Variants in GLIS3 observed in about 807,000 individuals in gnomAD.
GLIS3 encodes zinc finger protein GLIS3.
In GLIS3, 53 loss-of-function variants were observed where a neutral mutation model predicts 78.6. The observed-to-expected ratio is 0.67, with a 90% CI of 0.54 to 0.85. GLIS3 has a LOEUF of 0.85. Ranked by LOEUF, GLIS3 falls within the 40% of genes least tolerant of loss-of-function variation. The probability of loss-of-function intolerance (pLI) is 0.00; values close to 1 mark genes in which losing one functional copy is unlikely to be tolerated. For missense variants in GLIS3, 1,703 were observed against 1,231.1 expected, an observed-to-expected ratio of 1.38 and a Z score of -5.74; for synonymous variants, 684 against 509.9, an observed-to-expected ratio of 1.34 and a Z score of -4.60.
At chr9:3,870,309 C>A (rs796105292) in intron 8 of GLIS3, among the ~76,000 whole-genome samples, 6 of 152,170 alleles carry the variant, frequency 3.9e-5, no homozygotes, top group African/African-American at 1.4e-4. Context: ...ACTTTGGAAA[C>A]CATACAAATA....
intron 4 of GLIS3, among the ~76,000 whole-genome samples, chr9:4,115,940 A>G (rs1473028980): frequency 6.6e-6 from 1 of 152,228 alleles, no homozygotes. Flanking sequence ...CATTCTGAAC[A>G]ATACAATGAG....
intron 2 of GLIS3, among the ~76,000 whole-genome samples, chr9:4,215,984 C>T (rs776949530): frequency 3.3e-5 from 5 of 152,140 alleles, no homozygotes; most frequent in Non-Finnish European, 7.3e-5. Flanking sequence ...CATTTTGATG[C>T]TGGACTCCAT....
At chr9:4,202,596 G>T (rs997452756) in intron 2 of GLIS3, among the ~76,000 whole-genome samples, 3 of 152,034 alleles carry the variant, frequency 2.0e-5, no homozygotes, top group Non-Finnish European at 4.4e-5. Flanking sequence ...AAACAAAATC[G>T]CATGGTGAAA....
At chr9:4,457,274 T>A in the GLIS3 span, among the ~76,000 whole-genome samples, 2 of 151,688 alleles carry the variant, frequency 1.3e-5, no homozygotes, top group Non-Finnish European at 2.9e-5. Flanking sequence ...GGTGGGAGGA[T>A]CATTTGAGCC....
intron 4 of GLIS3, among the ~76,000 whole-genome samples, chr9:4,017,765 T>C (rs1238899102): frequency 2.0e-5 from 3 of 152,182 alleles, no homozygotes; most frequent in Admixed American, 2.0e-4. Flanking sequence ...TAAAAATACA[T>C]GCTTCCAAAG....
chr9:4,452,116 T>A, the GLIS3 span, among the ~76,000 whole-genome samples: 1 of 152,090 alleles, frequency 6.6e-6, no homozygotes, highest in Non-Finnish European at 1.5e-5. Flanking sequence ...TTGATAAAAT[T>A]CAACACCCCT....
intron 2 of GLIS3, among the ~76,000 whole-genome samples, chr9:4,213,350 C>G (rs1170687069): frequency 6.6e-6 from 1 of 152,166 alleles, no homozygotes; most frequent in Non-Finnish European, 1.5e-5. Flanking sequence ...CCCTTTAAAA[C>G]CTGTACATAT....
chr9:3,856,003 G>A lies in GLIS3; in HGVS notation c.2473+6C>T. 6.2e-7 allele frequency: 1 copy of A among 1,614,096 alleles called. No individual in the cohort carries two copies. The highest frequency in any genetic ancestry group is 8.5e-7 in the Non-Finnish European group (1 of 1,179,950). ...AAACTCAAGGGACTGCCAGCTTCTT[G>A]CTTACCATGGACATGGATACCATTT... On this transcript the variant is annotated splice_donor_region_variant and intron_variant, in intron 9 of 10. Coordinates refer to ENST00000381971, the MANE Select transcript of GLIS3 (RefSeq NM_001042413.2).
In GLIS3 at chr9:4,214,708, G is replaced by T. The variant is rs549765646; in HGVS notation, c.388+71330C>A. Among the ~76,000 whole-genome samples the T allele has an allele frequency of 4.8e-4, 73 of 152,230 alleles. 1 individual carries two copies. Among genetic ancestry groups the T allele is most frequent in the South Asian group, 1.0e-3 (5 of 4,820 alleles). On this transcript the variant is annotated intron_variant, in intron 2 of 10. Coordinates refer to ENST00000381971, the MANE Select transcript of GLIS3 (RefSeq NM_001042413.2). Reference sequence around the variant, plus strand: ...CGCTGTATTCTTTCCTAAGACCAAGGTTATTTCACAATTTCACTTCTTGGA... The same window carrying T: ...CGCTGTATTCTTTCCTAAGACCAAGTTTATTTCACAATTTCACTTCTTGGA...
chr9:3,936,603 A>G (rs1236720357), intron 5 of GLIS3, among the ~76,000 whole-genome samples: 1 of 151,568 alleles, frequency 6.6e-6, no homozygotes, highest in Non-Finnish European at 1.5e-5. Context: ...GAGGGAAAGA[A>G]CCAGGGTAGA....
the GLIS3 span, among the ~76,000 whole-genome samples, chr9:4,445,463 C>A: frequency 8.6e-4 from 131 of 152,102 alleles, 2 homozygotes; most frequent in Middle Eastern, 3.4e-3. Context: ...CTAGTCTCTA[C>A]AATAAATACA....
At chr9:4,483,397 G>T in the GLIS3 span, among the ~76,000 whole-genome samples, 2 of 152,028 alleles carry the variant, frequency 1.3e-5, no homozygotes, top group African/African-American at 4.8e-5. Flanking sequence ...AGTTTTTTTT[G>T]TAACAACTCT....
chr9:4,212,025 G>A (rs1401527885), intron 2 of GLIS3, among the ~76,000 whole-genome samples: 1 of 152,222 alleles, frequency 6.6e-6, no homozygotes, highest in Non-Finnish European at 1.5e-5. Flanking sequence ...GAGTGGGAAA[G>A]AGGATTAACT....
chr9:4,108,689 C>G (rs973940063), intron 4 of GLIS3, among the ~76,000 whole-genome samples: 58 of 152,148 alleles, frequency 3.8e-4, no homozygotes, highest in African/African-American at 1.1e-3. Context: ...ACCCAGGCCC[C>G]TATTTAAAAA....
intron 2 of GLIS3, among the ~76,000 whole-genome samples, chr9:4,221,867 G>C (rs1454812257): frequency 6.6e-6 from 1 of 152,196 alleles, no homozygotes; most frequent in Non-Finnish European, 1.5e-5. Context: ...ATGCAAAATA[G>C]TTATTTTGGG....
At chr9:4,458,405 T>C in the GLIS3 span, among the ~76,000 whole-genome samples, 1 of 152,076 alleles carries the variant, frequency 6.6e-6, no homozygotes. Flanking sequence ...GTAGTGGTAA[T>C]TGCTATGGAA....
chr9:3,913,180 T>G (rs901422001), intron 6 of GLIS3, among the ~76,000 whole-genome samples: 9 of 152,214 alleles, frequency 5.9e-5, no homozygotes, highest in Admixed American at 3.3e-4. Flanking sequence ...CATTTTCTTC[T>G]GCCTTTCATT....
At chr9:4,048,087 A>G (rs971645502) in intron 4 of GLIS3, among the ~76,000 whole-genome samples, 1 of 152,194 alleles carries the variant, frequency 6.6e-6, no homozygotes, top group Non-Finnish European at 1.5e-5. Context: ...AGCCCTAAAT[A>G]AAACTGGCAT....
chr9:3,918,834 G>C (rs866655829), intron 6 of GLIS3, among the ~76,000 whole-genome samples: 14 of 152,182 alleles, frequency 9.2e-5, no homozygotes, highest in Admixed American at 7.2e-4. Flanking sequence ...CAGAACCACT[G>C]TAGAGGTCCA....
Sources: allele counts gnomAD v4.1 joint callset (sites outside exome capture counted in the v4.1 genomes callset), GRCh38; gene constraint gnomAD v4.1.1; transcripts MANE v1.5; gene names NCBI Gene and HGNC (gene_info 2026-07-23, HGNC 2026-07-21).